CDC42BPA: variants seen among roughly 807,000 people sequenced by gnomAD.
CDC42BPA encodes serine/threonine-protein kinase MRCK alpha.
CDC42BPA carries 80 observed loss-of-function variants against 223.5 expected under a neutral mutation model. The observed-to-expected ratio is 0.36, with a 90% CI of 0.30 to 0.43. The LOEUF (loss-of-function observed/expected upper bound fraction) is 0.43. CDC42BPA is among the 20% of genes least tolerant of loss of function. The probability of loss-of-function intolerance (pLI) is 1.00; values close to 1 mark genes in which losing one functional copy is unlikely to be tolerated. For synonymous variants in CDC42BPA, 694 were observed against 718.6 expected (o/e 0.97, Z 0.55); for missense variants, 1,743 against 2,099.9 (o/e 0.83, Z 3.32).
At chr1:227,073,621 A>G in intron 19 of CDC42BPA, among the ~76,000 whole-genome samples, 1 of 152,146 alleles carries the variant, frequency 6.6e-6, no homozygotes, top group East Asian at 1.9e-4. Flanking sequence ...AAATTAAATA[A>G]TGGAATATTA....
intron 20 of CDC42BPA, among the ~76,000 whole-genome samples, chr1:227,070,062 T>C (rs774224791): frequency 7.2e-5 from 11 of 151,920 alleles, no homozygotes; most frequent in Non-Finnish European, 1.5e-4. Flanking sequence ...TCAGTTTCCA[T>C]GAAATGCTTA....
At chr1:227,266,797 A>C (rs1685073630) in intron 1 of CDC42BPA, among the ~76,000 whole-genome samples, 1 of 152,266 alleles carries the variant, frequency 6.6e-6, no homozygotes, top group Admixed American at 6.5e-5. Context: ...CTATGAAGAT[A>C]GGTAGCATTA....
chr1:227,065,174 T>C (rs958471898), intron 21 of CDC42BPA, among the ~76,000 whole-genome samples: 5 of 152,070 alleles, frequency 3.3e-5, no homozygotes, highest in Non-Finnish European at 5.9e-5. Flanking sequence ...TACATAACAA[T>C]GTATCACCAC....
At chr1:227,255,357 T>C (rs1455161109) in intron 1 of CDC42BPA, among the ~76,000 whole-genome samples, 1 of 152,236 alleles carries the variant, frequency 6.6e-6, no homozygotes, top group Non-Finnish European at 1.5e-5. Flanking sequence ...AGTATGCATT[T>C]AGCTCTAACT....
At chr1:227,053,950 G>C (rs1199283255) in intron 21 of CDC42BPA, among the ~76,000 whole-genome samples, 1 of 152,148 alleles carries the variant, frequency 6.6e-6, no homozygotes, top group Non-Finnish European at 1.5e-5. Context: ...GGTGTCCATG[G>C]AGAGGGGCTT....
intron 5 of CDC42BPA, among the ~76,000 whole-genome samples, chr1:227,174,997 T>C (rs1666715122): frequency 6.6e-6 from 1 of 152,190 alleles, no homozygotes; most frequent in Non-Finnish European, 1.5e-5. Flanking sequence ...ATAATTTCCA[T>C]TTTGTGATTC....
chr1:227,258,660 A>C (rs1683523619), intron 1 of CDC42BPA, among the ~76,000 whole-genome samples: 1 of 151,016 alleles, frequency 6.6e-6, no homozygotes, highest in East Asian at 1.9e-4. Context: ...AGAATCATGT[A>C]TCAATTACTT....
At chr1:227,168,497 G>GTTTTTTTTTTTTTTGTTTTTTT (rs1665490706) in intron 5 of CDC42BPA, among the ~76,000 whole-genome samples, 1 of 80,196 alleles carries the variant, frequency 1.2e-5, no homozygotes, top group Non-Finnish European at 2.4e-5. Flanking sequence ...CTTCCCTGGT[G>GTTTTTTTTTTTTTTGTTTTTTT]TTTTTTTTTT....
chr1:227,298,382 T>C (rs1163759774), intron 1 of CDC42BPA, among the ~76,000 whole-genome samples: 2 of 152,112 alleles, frequency 1.3e-5, no homozygotes, highest in Non-Finnish European at 2.9e-5. Context: ...TATCCTCAGG[T>C]AAATAGTTTC....
At chr1:227,010,806 A>C in intron 34 of CDC42BPA, 4 of 913,430 alleles carry the variant, frequency 4.4e-6, no homozygotes, top group Non-Finnish European at 5.8e-6. Flanking sequence ...CAGCGGTGTT[A>C]CTTATTAAGC....
chr1:227,091,190 G>C lies in CDC42BPA; in HGVS notation c.2355+696C>G, dbSNP rs939982452. Reference sequence around the variant, plus strand: ...CTGAACTTATTAGCCATCCGTGACGGGGTAAACGATGAATATATGAAAAAA... The same window carrying C: ...CTGAACTTATTAGCCATCCGTGACGCGGTAAACGATGAATATATGAAAAAA... On this transcript the variant is annotated intron_variant, in intron 16 of 36. Coordinates refer to ENST00000366766, the MANE Select transcript of CDC42BPA (RefSeq NM_001394014.1). Among the ~76,000 whole-genome samples the C allele has an allele frequency of 3.3e-5, 5 of 152,108 alleles. No individual in the cohort carries two copies. In the East Asian group the frequency reaches 5.8e-4, roughly 18 times the overall value.
intron 16 of CDC42BPA, among the ~76,000 whole-genome samples, chr1:227,088,148 C>G (rs1682349306): frequency 6.6e-6 from 1 of 152,186 alleles, no homozygotes; most frequent in Admixed American, 6.5e-5. Flanking sequence ...AATCCTACTT[C>G]TTATTCTTGT....
chr1:227,057,393 A>G (rs1047789245), intron 21 of CDC42BPA, among the ~76,000 whole-genome samples: 1 of 152,168 alleles, frequency 6.6e-6, no homozygotes, highest in African/African-American at 2.4e-5. Flanking sequence ...AAAATACTGC[A>G]TATTTTCTTG....
intron 1 of CDC42BPA, among the ~76,000 whole-genome samples, chr1:227,278,595 A>G (rs556334387): frequency 5.3e-5 from 8 of 152,334 alleles, no homozygotes; most frequent in African/African-American, 1.9e-4. Flanking sequence ...ACCTTGTTCA[A>G]TTTAGTACTT....
chr1:226,997,868 T>C (rs1238696065), intron 35 of CDC42BPA, among the ~76,000 whole-genome samples: 1 of 152,196 alleles, frequency 6.6e-6, no homozygotes, highest in Non-Finnish European at 1.5e-5. Context: ...CTTCCAATTA[T>C]GTGGTCAGTT....
At chr1:227,183,276 A>C (rs1668248830) in intron 5 of CDC42BPA, 1 of 152,176 alleles carries the variant, frequency 6.6e-6, no homozygotes, top group African/African-American at 2.4e-5. Context: ...CAATCACAAT[A>C]TATAACTGTT....
rs1420967351 is a variant in CDC42BPA at position 227,007,131 on chromosome 1, C to T, written c.4858-2020G>A. ...AAAAATTCAAGTTTTGTGACTTTTC[C>T]AAAGGATCAATTTGTTAAGTAAAGC... is the stretch of plus-strand genomic sequence containing the variant. On this transcript the variant is annotated intron_variant, in intron 34 of 36. Coordinates refer to ENST00000366766, the MANE Select transcript of CDC42BPA (RefSeq NM_001394014.1). 2.0e-5 allele frequency among the ~76,000 whole-genome samples: 3 copies of T among 152,248 alleles called. No individual in the cohort carries two copies. The East Asian group carries it at 5.8e-4, about 29-fold the overall frequency.
chr1:227,261,860 T>TG (rs761159085), intron 1 of CDC42BPA, among the ~76,000 whole-genome samples: 43 of 151,948 alleles, frequency 2.8e-4, no homozygotes, highest in Non-Finnish European at 5.3e-4. Context: ...AGGGTGTTGG[T>TG]GGGGGGCAGC....
intron 2 of CDC42BPA, among the ~76,000 whole-genome samples, chr1:227,224,300 C>CT (rs531744898): frequency 6.7e-6 from 1 of 150,320 alleles, no homozygotes; most frequent in Non-Finnish European, 1.5e-5. Context: ...ATGGTGCAGT[C>CT]TCAGCTCACT....
Sources: gnomAD v4.1 joint callset for allele counts (sites outside exome capture counted in the v4.1 genomes callset) on GRCh38, gnomAD v4.1.1 for gene constraint, MANE v1.5 for transcripts, NCBI Gene and HGNC (gene_info 2026-07-23, HGNC 2026-07-21) for gene names.